The following MAGOHB variants were observed in gnomAD, a reference collection of about 807,000 sequenced individuals.
MAGOHB encodes the protein mago homolog B, exon junction complex subunit, also known as protein mago nashi homolog 2.
A neutral mutation model predicts 20.9 loss-of-function variants in MAGOHB; 15 were observed. That is an observed-to-expected ratio of 0.72 (90% confidence interval 0.48 to 1.11). The LOEUF (loss-of-function observed/expected upper bound fraction) is 1.11. Among genes scored for constraint, MAGOHB ranks in the 50% least tolerant of loss-of-function variants. The pLI is 0.00. For missense variants in MAGOHB, 162 were observed against 177.6 expected (o/e 0.91, Z 0.50); for synonymous variants, 50 against 57.9 (o/e 0.86, Z 0.62).
chr12:10,611,573 C>A (rs554355455), intron 1 of MAGOHB, among the ~76,000 whole-genome samples: 1 of 151,376 alleles, frequency 6.6e-6, no homozygotes, highest in African/African-American at 2.4e-5. Context: ...ATGGAGAAAC[C>A]CCGTCTCTAC....
chr12:10,603,635 T>A (rs1865577141), downstream of MAGOHB, among the ~76,000 whole-genome samples: 1 of 152,174 alleles, frequency 6.6e-6, no homozygotes, highest in Non-Finnish European at 1.5e-5. Context: ...TAAATTAGTA[T>A]TCTCTCCACC....
chr12:10,600,117 C>A (rs550612430), downstream of MAGOHB, among the ~76,000 whole-genome samples: 1 of 152,050 alleles, frequency 6.6e-6, no homozygotes, highest in East Asian at 1.9e-4. Flanking sequence ...TTTAAAAGAT[C>A]CGTAATTCCT....
At position 10,606,370 on chromosome 12, in the gene MAGOHB, G is replaced by T; in HGVS notation, c.352C>A (p.Pro118Thr). The T allele has an allele frequency of 6.5e-7, 1 of 1,545,660 alleles. No individual in the cohort carries two copies. Among genetic ancestry groups the T allele is most frequent in the Non-Finnish European group, 8.8e-7 (1 of 1,141,494 alleles). ...SLIDVNQSKDPEGLRVFYYLV... is the reference protein window; with the variant it reads ...SLIDVNQSKDTEGLRVFYYLV... ...TAGTAAAATACTCGAAGGCCTTCAGGATCCCTAAAATTTAAAAAGGTAAAA... is the reference window on the plus strand; with the variant it reads ...TAGTAAAATACTCGAAGGCCTTCAGTATCCCTAAAATTTAAAAAGGTAAAA... The change falls in exon 5 of 5, where the codon CCT becomes ACT. Residue 118 changes from proline (P) to threonine (T), a missense_variant. Coordinates refer to ENST00000320756, the MANE Select transcript of MAGOHB (RefSeq NM_018048.5).
At chr12:10,610,350 G>C (rs4635168) in intron 2 of MAGOHB, among the ~76,000 whole-genome samples, 1 of 152,174 alleles carries the variant, frequency 6.6e-6, no homozygotes, top group African/African-American at 2.4e-5. Context: ...CTGCACTCCA[G>C]CTTGGGTAAC....
At chr12:10,606,553 A>T (rs1423624532) in intron 4 of MAGOHB, among the ~76,000 whole-genome samples, 179 bp from the exon 5 acceptor site, 1 of 152,110 alleles carries the variant, frequency 6.6e-6, no homozygotes, top group Non-Finnish European at 1.5e-5. Flanking sequence ...ATACGAAAAA[A>T]TAGTTTCTTC....
intron 1 of MAGOHB, 43 bp downstream of exon 1, chr12:10,613,396 C>T: frequency 6.4e-7 from 1 of 1,566,714 alleles, no homozygotes; most frequent in South Asian, 1.1e-5. Context: ...CTCTCGGTCT[C>T]GCTCCCCTTT....
At position 10,606,170 on chromosome 12, in the gene MAGOHB, AT is replaced by A. The variant is rs369052516; in HGVS notation, c.*104del. ...TTTCTTATTTTCAGTTTACATACAA[AT>A]TTTTTTTGTTTGCTTCACATTCATA... On this transcript the variant is annotated 3_prime_UTR_variant, in exon 5 of 5. Coordinates refer to ENST00000320756, the MANE Select transcript of MAGOHB (RefSeq NM_018048.5). The A allele has an allele frequency of 2.2e-3, 1,332 of 597,582 alleles. 13 individuals carry two copies. In the African/African-American group the frequency reaches 0.023, roughly 10 times the overall value. 37.0% of individuals were successfully genotyped at this position (597,582 alleles called of 1,614,324 possible).
chr12:10,612,847 GT>G (rs1183984405), intron 1 of MAGOHB: 3 of 1,289,062 alleles, frequency 2.3e-6, no homozygotes, highest in Non-Finnish European at 3.0e-6. Context: ...CTGGAAGTCT[GT>G]TTTTTTCTCT....
chr12:10,611,934 A>C (rs962137276), intron 1 of MAGOHB, among the ~76,000 whole-genome samples: 52 of 152,110 alleles, frequency 3.4e-4, no homozygotes, highest in African/African-American at 1.2e-3. Context: ...TGATAGGGAC[A>C]AGCTTGATGG....
At chr12:10,607,273 T>C (rs895847300) in intron 4 of MAGOHB, among the ~76,000 whole-genome samples, 1 of 152,030 alleles carries the variant, frequency 6.6e-6, no homozygotes. Context: ...AGCAGACAAA[T>C]AGGTTATTAC....
Position 10,610,684 on chromosome 12 carries a change from T to G in MAGOHB, c.95-4A>C. The G allele has an allele frequency of 3.8e-6, 6 of 1,574,670 alleles. No homozygotes were observed. The highest frequency in any genetic ancestry group is 4.3e-6 in the Non-Finnish European group (5 of 1,167,458). On this transcript the variant is annotated splice_polypyrimidine_tract_variant and splice_region_variant and intron_variant, in intron 1 of 4. Coordinates refer to ENST00000320756, the MANE Select transcript of MAGOHB (RefSeq NM_018048.5). The stretch of plus-strand genomic sequence containing the variant: ...TTGTTGGCATATCTAAGCTTTCCTG[T>G]GGGAAGTGGAAAAAAATCAATTTAT...
At chr12:10,600,156 GTTT>G (rs563135807), downstream of MAGOHB, among the ~76,000 whole-genome samples, 1 of 151,148 alleles carries the variant, frequency 6.6e-6, no homozygotes, top group Non-Finnish European at 1.5e-5. Flanking sequence ...TATTCTTCCA[GTTT>G]TTTTTCTCTG....
At chr12:10,603,313 CAAAAAAAAAAAA>C (rs11296285), downstream of MAGOHB, among the ~76,000 whole-genome samples, 2 of 75,138 alleles carry the variant, frequency 2.7e-5, no homozygotes, top group African/African-American at 4.7e-5. Context: ...GACTCCGTCT[CAAAAAAAAAAAA>C]AAAAAAAAAA....
chr12:10,612,746 T>C lies in MAGOHB; in HGVS notation c.94+693A>G, dbSNP rs897750449. On this transcript the variant is annotated intron_variant, in intron 1 of 4. Coordinates refer to ENST00000320756, the MANE Select transcript of MAGOHB (RefSeq NM_018048.5). The stretch of plus-strand genomic sequence containing the variant: ...TCTTGTTGCAGGTAGGCAAGATCAA[T>C]GTAACATTCTCTAAGGATAGCGCTG... 5.7e-5 allele frequency: 68 copies of C among 1,198,480 alleles called. No individual in the cohort carries two copies. The Admixed American group carries it at 1.9e-3, about 34-fold the overall frequency. 74.2% of individuals were successfully genotyped at this position (1,198,480 alleles called of 1,614,324 possible). A position where few individuals can be genotyped will look rare whatever the true frequency, so the allele number is the denominator to read the frequency against.
intron 1 of MAGOHB, among the ~76,000 whole-genome samples, chr12:10,611,116 A>T (rs558359158): frequency 6.6e-6 from 1 of 152,230 alleles, no homozygotes; most frequent in Admixed American, 6.5e-5. Flanking sequence ...AACAAAGTTA[A>T]GTAACTTAAC....
At chr12:10,610,903 A>G (rs965835722) in intron 1 of MAGOHB, among the ~76,000 whole-genome samples, 1 of 152,200 alleles carries the variant, frequency 6.6e-6, no homozygotes, top group Non-Finnish European at 1.5e-5. Context: ...CATGCCTACA[A>G]TATATATTGG....
chr12:10,602,661 T>A (rs780062276), downstream of MAGOHB, among the ~76,000 whole-genome samples: 5 of 152,256 alleles, frequency 3.3e-5, no homozygotes, highest in Non-Finnish European at 7.4e-5. Flanking sequence ...AACATGCACA[T>A]AACACACAAA....
rs1322166179 is a variant in MAGOHB at position 10,606,271 on chromosome 12, C to T, written c.*4G>A. 7.8e-6 allele frequency: 11 copies of T among 1,408,228 alleles called. No individual in the cohort carries two copies. The highest frequency in any genetic ancestry group is 1.1e-5 in the Non-Finnish European group (11 of 1,027,470). The allele number at this position is 1,408,228 out of a possible 1,614,324, so 87.2% of individuals were successfully genotyped here. ...AATATACAAACAGCCTGAAAACATA[C>T]AATTTAAATTGGTTTAATCTTGAAG... is the stretch of plus-strand genomic sequence containing the variant. On this transcript the variant is annotated 3_prime_UTR_variant, in exon 5 of 5. Transcript: ENST00000320756.
chr12:10,612,190 A>AAATAAC (rs3842296), intron 1 of MAGOHB, among the ~76,000 whole-genome samples: 17 of 141,452 alleles, frequency 1.2e-4, no homozygotes, highest in African/African-American at 4.3e-4. Flanking sequence ...CTCTACAAAA[A>AAATAAC]ATAACATAAC....
Sources: gnomAD v4.1 joint callset for allele counts (sites outside exome capture counted in the v4.1 genomes callset) on GRCh38, gnomAD v4.1.1 for gene constraint, MANE v1.5 for transcripts, NCBI Gene and HGNC (gene_info 2026-07-23, HGNC 2026-07-21) for gene names.